The following TMEM256 variants were observed in gnomAD, a reference collection of about 807,000 sequenced individuals.
The protein encoded by TMEM256 is UPF0451 protein C17orf61.
TMEM256 carries 14 observed loss-of-function variants against 14.8 expected under a neutral mutation model. The observed-to-expected ratio is 0.95, with a 90% confidence interval of 0.63 to 1.48. The LOEUF is 1.48. Ranked by LOEUF, TMEM256 falls within the 40% of genes most tolerant of loss-of-function variation. TMEM256 has a pLI of 0.00. For synonymous variants in TMEM256, 68 were observed against 60.7 expected, an observed-to-expected ratio of 1.12 and a Z score of -0.56; for missense variants, 146 against 137.9, an observed-to-expected ratio of 1.06 and a Z score of -0.30.
At chr17:7,403,472 C>CT (rs1906424206) in intron 2 of TMEM256, 82 bp from the exon 3 acceptor site, 1 of 1,512,058 alleles carries the variant, frequency 6.6e-7, no homozygotes, top group Non-Finnish European at 9.2e-7. Flanking sequence ...ACCAAAGTTC[C>CT]TTCCCCCACC....
chr17:7,403,597 A>G, intron 2 of TMEM256, 61 bp downstream of exon 2: 1 of 1,383,326 alleles, frequency 7.2e-7, no homozygotes, highest in Non-Finnish European at 1.0e-6. Flanking sequence ...TCCCCCAGGG[A>G]CCCCAGACTT....
In TMEM256 at chr17:7,403,991, C is replaced by T. The variant is rs201332160; in HGVS notation, c.85+9G>A. On this transcript the variant is annotated intron_variant, in intron 1 of 3. Transcript: ENST00000302422. ...AGTACAGTCCCATCTTCGTCCCCAGCCCCCTGACCGTGCGCCCCGTAGGAA... is the reference window on the plus strand; with the variant it reads ...AGTACAGTCCCATCTTCGTCCCCAGTCCCCTGACCGTGCGCCCCGTAGGAA... 2.7e-4 allele frequency: 426 copies of T among 1,578,112 alleles called. No individual in the cohort carries two copies. Among genetic ancestry groups the T allele is most frequent in the Non-Finnish European group, 3.4e-4 (396 of 1,160,410 alleles).
In TMEM256 at chr17:7,403,377, G is replaced by T. The variant is rs1906419512; in HGVS notation, c.131C>A (p.Ala44Asp). ...DAYGKELFDKANKHHFLHSLA... is the reference protein window; with the variant it reads ...DAYGKELFDKDNKHHFLHSLA... ...GCTGTGTAAGAAGTGGTGTTTGTTG[G>T]CCTTGTCAAACAGCTGTAAGAAAAA... Residue 44 changes from alanine to aspartate, a missense_variant, in exon 3 of 4, where the codon GCC becomes GAC. Transcript: ENST00000302422. 1 of 1,613,996 alleles carries T rather than the reference G, an allele frequency of 6.2e-7. No individual in the cohort carries two copies. Among genetic ancestry groups the T allele is most frequent in the South Asian group, 1.1e-5 (1 of 91,084 alleles).
chr17:7,404,097 G>T lies in TMEM256; in HGVS notation c.-13C>A. The T allele has an allele frequency of 6.5e-7, 1 of 1,550,302 alleles. No homozygotes were observed. Among genetic ancestry groups the T allele is most frequent in the Non-Finnish European group, 8.7e-7 (1 of 1,143,370 alleles). On this transcript the variant is annotated 5_prime_UTR_variant, in exon 1 of 4. In the 5' UTR this introduces an upstream ATG that the reference lacks. Transcript: ENST00000302422. Reference sequence around the variant, plus strand: ...CTGGCCCGGCCATAGCTGTAGAACAGGACGCACCGGACCAACGCCGCCCAG... The same window carrying T: ...CTGGCCCGGCCATAGCTGTAGAACATGACGCACCGGACCAACGCCGCCCAG...
In TMEM256 at chr17:7,404,068, G is replaced by A. The variant is rs773484246; in HGVS notation, c.17C>T (p.Ala6Val). The change falls in exon 1 of 4, where the codon GCA becomes GTA. Residue 6 changes from alanine to valine, a missense_variant. By Grantham distance (64) the Ala-to-Val change is moderately conservative. Coordinates refer to ENST00000302422, the MANE Select transcript of TMEM256 (RefSeq NM_152766.5). ...CAAGGCGCCCAAGCGGCGGAAAGCT[G>A]CAGCTGGCCCGGCCATAGCTGTAGA... MAGPA[A>V]AFRRLGALSG... is the part of the protein sequence containing the mutation. 8.1e-6 allele frequency: 13 copies of A among 1,596,376 alleles called. No individual in the cohort carries two copies. The African/African-American group carries it at 1.2e-4, about 15-fold the overall frequency.
chr17:7,403,393 G>A lies in TMEM256; in HGVS notation c.118-3C>T, dbSNP rs771779343. On this transcript the variant is annotated splice_region_variant and splice_polypyrimidine_tract_variant and intron_variant, in intron 2 of 3. Coordinates refer to ENST00000302422, the MANE Select transcript of TMEM256 (RefSeq NM_152766.5). ...TGTTTGTTGGCCTTGTCAAACAGCT[G>A]TAAGAAAAACAGAAACGAAGGGATG... 3 of 1,613,920 alleles carry A rather than the reference G, an allele frequency of 1.9e-6. No homozygotes were observed. The Admixed American group carries it at 5.0e-5, about 27-fold the overall frequency.
In TMEM256 at chr17:7,402,977, T is replaced by C. The variant is rs1906392636; in HGVS notation, c.*89A>G. On this transcript the variant is annotated 3_prime_UTR_variant, in exon 4 of 4. Coordinates refer to ENST00000302422, the MANE Select transcript of TMEM256 (RefSeq NM_152766.5). ...TTAGATGAACAAAGACTCCAAAGTT[T>C]ATTTGCCTTTCCTTTTTAATCCTCT... 17 of 1,504,994 alleles carry C rather than the reference T, an allele frequency of 1.1e-5. No homozygotes were observed. Among genetic ancestry groups the C allele is most frequent in the South Asian group, 9.3e-5 (7 of 75,056 alleles). The allele number at this position is 1,504,994 out of a possible 1,614,324, so 93.2% of individuals were successfully genotyped here.
chr17:7,403,782 G>GAA, intron 1 of TMEM256, 93 bp from the exon 2 acceptor site: 1 of 1,237,928 alleles, frequency 8.1e-7, no homozygotes, highest in Non-Finnish European at 1.1e-6. Context: ...GCGAGAAAGG[G>GAA]CACCCCCCCC....
intron 1 of TMEM256, 104 bp from the exon 2 acceptor site, chr17:7,403,793 C>CCCG: frequency 9.4e-7 from 1 of 1,061,328 alleles, no homozygotes; most frequent in Non-Finnish European, 1.3e-6. Context: ...CACCCCCCCC[C>CCCG]CCGCCCCAGG....
rs193299505 is a variant in TMEM256, at chr17:7,403,204, C to G, written c.204G>C (p.Gly68=). The G allele has an allele frequency of 3.7e-6, 6 of 1,614,024 alleles. No homozygotes were observed. The highest frequency in any genetic ancestry group is 1.1e-5 in the South Asian group (1 of 91,082). ...VPHCRKPLWA[G]LLLASGTTLF... ...AGGTCGTTCCGGAAGCTAGCAATAA[C>G]CCAGCCTGAAGGAGACACAGCACAG... is the stretch of plus-strand genomic sequence containing the variant. The change falls in exon 4 of 4, where the codon GGG becomes GGC. Residue 68 remains glycine, a synonymous_variant. Transcript: ENST00000302422.
chr17:7,403,834 C>A, intron 1 of TMEM256, 145 bp from the exon 2 acceptor site: 1 of 1,168,152 alleles, frequency 8.6e-7, no homozygotes. Context: ...CACGCTCGGG[C>A]AGTACTGGGA....
chr17:7,404,001 G>C lies in TMEM256; in HGVS notation c.84C>G (p.His28Gln), dbSNP rs751095656. 69 of 1,590,156 alleles carry C rather than the reference G, an allele frequency of 4.3e-5. No homozygotes were observed. The highest frequency in any genetic ancestry group is 5.9e-5 in the Non-Finnish European group (69 of 1,167,870). ...CATCTTCGTCCCCAGCCCCCTGACC[G>C]TGCGCCCCGTAGGAAGCGAAGCCTA... ...AALGFASYGA[H>Q]GAQFPDAYGK... The change falls in exon 1 of 4, where the codon CAC becomes CAG. Residue 28 changes from histidine (H) to glutamine (Q), a missense_variant and splice_region_variant. Coordinates refer to ENST00000302422, the MANE Select transcript of TMEM256 (RefSeq NM_152766.5).
In TMEM256 at chr17:7,403,675, C is replaced by T. The variant is rs1252426424; in HGVS notation, c.100G>A (p.Asp34Asn). Residue 34 changes from aspartate (D) to asparagine (N), a missense_variant, in exon 2 of 4, where the codon GAT becomes AAT. By Grantham distance (23) the Asp-to-Asn change is conservative (BLOSUM62 1). Transcript: ENST00000302422. ...TACTTCACCTCCTTCCCGTAGGCAT[C>T]TGGGAATTGGGCGCCTGTGGAGAAA... is the stretch of plus-strand genomic sequence containing the variant. ...SYGAHGAQFP[D>N]AYGKELFDKA... 1 of 1,613,442 alleles carries T rather than the reference C, an allele frequency of 6.2e-7. No homozygotes were observed. Among genetic ancestry groups the T allele is most frequent in the East Asian group, 2.2e-5 (1 of 44,852 alleles).
In TMEM256 at chr17:7,403,915, G is replaced by C; in HGVS notation, c.85+85C>G. The C allele has an allele frequency of 2.8e-6, 4 of 1,416,802 alleles. No homozygotes were observed. The South Asian group carries it at 4.1e-5, about 15-fold the overall frequency. 87.8% of individuals were successfully genotyped at this position (1,416,802 alleles called of 1,614,324 possible). The stretch of plus-strand genomic sequence containing the variant: ...CGGACTGTCTGATAAACGAGAGGCC[G>C]GGCACCTCCCATAGGTTACGCCCTT... On this transcript the variant is annotated intron_variant, in intron 1 of 3. Coordinates refer to ENST00000302422, the MANE Select transcript of TMEM256 (RefSeq NM_152766.5).
Position 7,404,041 on chromosome 17 carries a change from G to C in TMEM256, c.44C>G (p.Ser15Cys). 1 of 1,602,488 alleles carries C rather than the reference G, an allele frequency of 6.2e-7. No homozygotes were observed. The highest frequency in any genetic ancestry group is 8.5e-7 in the Non-Finnish European group (1 of 1,174,610). ...AGCGAAGCCTAAGGCCGCAGCTCCGGACAAGGCGCCCAAGCGGCGGAAAGC... is the reference window on the plus strand; with the variant it reads ...AGCGAAGCCTAAGGCCGCAGCTCCGCACAAGGCGCCCAAGCGGCGGAAAGC... Reference protein sequence around the residue: ...AAAFRRLGALSGAAALGFASY... With the variant: ...AAAFRRLGALCGAAALGFASY... Residue 15 changes from serine (S) to cysteine (C), a missense_variant, in exon 1 of 4, where the codon TCC (serine) becomes TGC (cysteine). Coordinates refer to ENST00000302422, the MANE Select transcript of TMEM256 (RefSeq NM_152766.5).
At position 7,404,089 on chromosome 17, in the gene TMEM256, G is replaced by C; in HGVS notation, c.-5C>G. 3 of 1,576,910 alleles carry C rather than the reference G, an allele frequency of 1.9e-6. No homozygotes were observed. Among genetic ancestry groups the C allele is most frequent in the Non-Finnish European group, 2.6e-6 (3 of 1,159,944 alleles). On this transcript the variant is annotated 5_prime_UTR_variant, in exon 1 of 4. Coordinates refer to ENST00000302422, the MANE Select transcript of TMEM256 (RefSeq NM_152766.5). ...AGCTGCAGCTGGCCCGGCCATAGCT[G>C]TAGAACAGGACGCACCGGACCAACG...
chr17:7,403,564 G>T, intron 2 of TMEM256, 94 bp downstream of exon 2: 3 of 1,550,160 alleles, frequency 1.9e-6, no homozygotes, highest in Non-Finnish European at 2.6e-6. Context: ...TCCGCGGCTC[G>T]CCCCACCCTC....
rs1340322433 is a variant in TMEM256, at chr17:7,403,055, C to T, written c.*11G>A. Reference sequence around the variant, plus strand: ...CTGCCCAGAAAACCCAGTAATTAAGCAAAAGGGAGCTCAAAGAGCCAAGGC... The same window carrying T: ...CTGCCCAGAAAACCCAGTAATTAAGTAAAAGGGAGCTCAAAGAGCCAAGGC... On this transcript the variant is annotated 3_prime_UTR_variant, in exon 4 of 4. Transcript: ENST00000302422. 2.5e-6 allele frequency: 4 copies of T among 1,589,690 alleles called. No homozygotes were observed. Among genetic ancestry groups the T allele is most frequent in the Non-Finnish European group, 1.7e-6 (2 of 1,173,064 alleles).
intron 1 of TMEM256, 89 bp from the exon 2 acceptor site, chr17:7,403,778 A>ACGGGGGGGGGGGGGGG: frequency 2.2e-6 from 3 of 1,340,654 alleles, no homozygotes; most frequent in East Asian, 5.3e-5. Context: ...ATTGGCGAGA[A>ACGGGGGGGGGGGGGGG]AGGGCACCCC....
Sources: gnomAD v4.1 joint callset for allele counts on GRCh38, gnomAD v4.1.1 for gene constraint, MANE v1.5 for transcripts, NCBI Gene and HGNC (gene_info 2026-07-23, HGNC 2026-07-21) for gene names.